GAB2: variants seen among roughly 807,000 people sequenced by gnomAD.
The protein encoded by GAB2 is GRB2 associated binding protein 2.
Under a neutral mutation model 65.5 loss-of-function variants are expected in GAB2, and 26 were observed. The observed-to-expected ratio is 0.40, with a 90% CI of 0.29 to 0.55. GAB2 has a LOEUF of 0.55. Ranked by LOEUF, GAB2 falls within the 20% of genes least tolerant of loss-of-function variation. GAB2 has a pLI of 0.53. For missense variants in GAB2, 884 were observed against 875.8 expected, an observed-to-expected ratio of 1.01 and a Z score of -0.12; for synonymous variants, 321 against 329.6, an observed-to-expected ratio of 0.97 and a Z score of 0.28.
chr11:78,257,989 G>A (rs1268982200), intron 2 of GAB2, among the ~76,000 whole-genome samples: 1 of 152,150 alleles, frequency 6.6e-6, no homozygotes, highest in Non-Finnish European at 1.5e-5. Context: ...TGAGGTGAAT[G>A]GTACTAGGGA....
At position 78,383,581 on chromosome 11, in the gene GAB2, C is replaced by CAAAAAAAAAAAAAAAAAAAAAAAA. The variant is rs534814220; in HGVS notation, c.75+34064_75+34065insTTTTTTTTTTTTTTTTTTTTTTTT. Reference sequence around the variant, plus strand: ...GCAACATGGCAAAACCCTGTCTCTCCAAAAAAAAAAAAAAAAAAATACAAA... The same window carrying CAAAAAAAAAAAAAAAAAAAAAAAA: ...GCAACATGGCAAAACCCTGTCTCTCCAAAAAAAAAAAAAAAAAAAAAAAAAAAAAAAAAAAAAAAAAAATACAAA... On this transcript the variant is annotated intron_variant, in intron 1 of 9. Transcript: ENST00000361507. Among the ~76,000 whole-genome samples the CAAAAAAAAAAAAAAAAAAAAAAAA allele has an allele frequency of 1.2e-3, 66 of 55,536 alleles. 1 individual carries two copies. Among genetic ancestry groups the CAAAAAAAAAAAAAAAAAAAAAAAA allele is most frequent in the African/African-American group, 2.2e-3 (34 of 15,556 alleles). The allele number at this position is 55,536 out of a possible 152,430, so 36.4% of individuals were successfully genotyped here. A position where few individuals can be genotyped will look rare whatever the true frequency, so the allele number is the denominator to read the frequency against.
At chr11:78,348,722 TA>T (rs1280917654) in intron 1 of GAB2, among the ~76,000 whole-genome samples, 1 of 152,194 alleles carries the variant, frequency 6.6e-6, no homozygotes, top group African/African-American at 2.4e-5. Context: ...AACTGCTGGG[TA>T]TACCTGGGAG....
chr11:78,346,674 CATATATATAT>C (rs71046967), intron 1 of GAB2, among the ~76,000 whole-genome samples: 6,904 of 54,336 alleles, frequency 0.13, 448 homozygotes, highest in Admixed American at 0.16. Flanking sequence ...ACATCCCCTC[CATATATATAT>C]ATATATATAT....
At chr11:78,348,727 C>T (rs115260045) in intron 1 of GAB2, among the ~76,000 whole-genome samples, 1,866 of 152,260 alleles carry the variant, frequency 0.012, 32 homozygotes, top group African/African-American at 0.042. Flanking sequence ...CTGGGTATAC[C>T]TGGGAGAAAT....
At chr11:78,299,462 AT>A (rs1866932818) in intron 1 of GAB2, among the ~76,000 whole-genome samples, 1 of 152,228 alleles carries the variant, frequency 6.6e-6, no homozygotes, top group Non-Finnish European at 1.5e-5. Context: ...ACACATGAAC[AT>A]GCGCACAAAG....
At chr11:78,352,026 G>T (rs112296286) in intron 1 of GAB2, among the ~76,000 whole-genome samples, 13 of 152,180 alleles carry the variant, frequency 8.5e-5, no homozygotes, top group Non-Finnish European at 1.8e-4. Flanking sequence ...CAGCTGGGCA[G>T]CACGGTGAAA....
intron 1 of GAB2, among the ~76,000 whole-genome samples, chr11:78,326,125 T>C (rs1490568902): frequency 3.9e-5 from 6 of 152,244 alleles, no homozygotes; most frequent in Admixed American, 3.9e-4. Context: ...AGCATCATAG[T>C]ATATTAAATG....
intron 1 of GAB2, among the ~76,000 whole-genome samples, chr11:78,358,548 A>G (rs917692073): frequency 6.6e-6 from 1 of 151,412 alleles, no homozygotes; most frequent in Non-Finnish European, 1.5e-5. Context: ...CTCTAATGCA[A>G]GTTTGTGATC....
intron 1 of GAB2, among the ~76,000 whole-genome samples, chr11:78,332,645 G>A (rs1349786090): frequency 6.6e-6 from 1 of 152,214 alleles, no homozygotes; most frequent in Non-Finnish European, 1.5e-5. Flanking sequence ...GCAGCAAGAG[G>A]TAGCAATGGC....
chr11:78,241,087 G>C (rs1012853973), intron 3 of GAB2, among the ~76,000 whole-genome samples: 1 of 152,212 alleles, frequency 6.6e-6, no homozygotes, highest in African/African-American at 2.4e-5. Context: ...AATGAGAAGA[G>C]AAAGACCCAA....
intron 1 of GAB2, among the ~76,000 whole-genome samples, chr11:78,326,166 G>C (rs777058999): frequency 5.3e-5 from 8 of 152,122 alleles, no homozygotes; most frequent in Non-Finnish European, 1.2e-4. Flanking sequence ...ATATCTTGGA[G>C]CTTATTCTAT....
At chr11:78,417,069 G>A (rs1857206871) in intron 1 of GAB2, among the ~76,000 whole-genome samples, 1 of 152,146 alleles carries the variant, frequency 6.6e-6, no homozygotes, top group Non-Finnish European at 1.5e-5. Context: ...GAAAGAAGGG[G>A]GACAAACAAA....
intron 1 of GAB2, among the ~76,000 whole-genome samples, chr11:78,377,863 G>A (rs1591074893): frequency 6.6e-6 from 1 of 152,242 alleles, no homozygotes; most frequent in African/African-American, 2.4e-5. Context: ...GGATGAATCT[G>A]CTTCAGACAA....
intron 1 of GAB2, among the ~76,000 whole-genome samples, chr11:78,283,290 C>CA (rs1322181110): frequency 6.6e-6 from 1 of 152,228 alleles, no homozygotes; most frequent in Non-Finnish European, 1.5e-5. Flanking sequence ...GGAGCATAGA[C>CA]AGTCCACCCA....
chr11:78,287,809 G>A (rs1440963118), intron 1 of GAB2, among the ~76,000 whole-genome samples: 1 of 147,310 alleles, frequency 6.8e-6, no homozygotes. Flanking sequence ...CTGCCACACT[G>A]GCTAATTTTT....
intron 1 of GAB2, among the ~76,000 whole-genome samples, chr11:78,292,709 G>A (rs111292080): frequency 1.4e-4 from 21 of 152,172 alleles, no homozygotes; most frequent in Non-Finnish European, 2.6e-4. Context: ...CTTCCTGAGC[G>A]AGGAAAGGCT....
At chr11:78,284,019 T>TA (rs1469023699) in intron 1 of GAB2, among the ~76,000 whole-genome samples, 8 of 152,112 alleles carry the variant, frequency 5.3e-5, no homozygotes, top group African/African-American at 1.9e-4. Context: ...CACTAGTAGG[T>TA]ATCTCAACAT....
chr11:78,270,776 T>C (rs1865989933), intron 2 of GAB2, among the ~76,000 whole-genome samples: 1 of 152,194 alleles, frequency 6.6e-6, no homozygotes, highest in African/African-American at 2.4e-5. Context: ...AAGGAAAAAG[T>C]GAAGTGAGCA....
At chr11:78,233,074 C>G (rs983168323) in intron 3 of GAB2, among the ~76,000 whole-genome samples, 2 of 132,518 alleles carry the variant, frequency 1.5e-5, no homozygotes, top group Non-Finnish European at 3.0e-5. Context: ...AGGTCTGGCT[C>G]TATTGCCCAG....
Sources: allele counts gnomAD v4.1 joint callset (sites outside exome capture counted in the v4.1 genomes callset), GRCh38; gene constraint gnomAD v4.1.1; transcripts MANE v1.5; gene names NCBI Gene and HGNC (gene_info 2026-07-23, HGNC 2026-07-21).